CTNNA1: variants seen among roughly 807,000 people sequenced by gnomAD.
CTNNA1 encodes catenin alpha-1.
CTNNA1 carries 37 observed loss-of-function variants against 98.4 expected under a neutral mutation model. That is an observed-to-expected ratio of 0.38 (90% CI 0.29 to 0.49). CTNNA1 has a LOEUF of 0.49. Ranked by LOEUF, CTNNA1 falls within the 20% of genes least tolerant of loss-of-function variation. The probability of loss-of-function intolerance (pLI) is 0.95; values close to 1 mark genes in which losing one functional copy is unlikely to be tolerated. For synonymous variants in CTNNA1, 404 were observed against 413.2 expected (o/e 0.98, Z 0.27); for missense variants, 761 against 1,147.2 (o/e 0.66, Z 4.86).
At position 138,924,689 on chromosome 5, in the gene CTNNA1, A is replaced by G. The variant is rs1580855958; in HGVS notation, c.1726A>G (p.Thr576Ala). The G allele has an allele frequency of 1.9e-6, 3 of 1,584,284 alleles. No individual in the cohort carries two copies. The highest frequency in any genetic ancestry group is 2.6e-6 in the Non-Finnish European group (3 of 1,164,710). ...GVYTEKVLEA[T>A]KLLSNTVMPR... is the part of the protein sequence containing the mutation. ...CTACACAGAGAAGGTTCTGGAAGCCACTAAGCTGCTCTCCAACACAGGTAC... is the reference window on the plus strand; with the variant it reads ...CTACACAGAGAAGGTTCTGGAAGCCGCTAAGCTGCTCTCCAACACAGGTAC... The change falls in exon 12 of 18, where the codon ACT becomes GCT. Residue 576 changes from threonine to alanine, a missense_variant. Physicochemically the swap from Thr to Ala is moderately conservative, Grantham distance 58. Around this residue, in one of 6 missense-constraint regions of CTNNA1, gnomAD observed 287 missense variants for 436.0 expected, o/e 0.66. Transcript: ENST00000302763.
chr5:138,928,724 A>G (rs977884713), intron 13 of CTNNA1, among the ~76,000 whole-genome samples: 6 of 152,342 alleles, frequency 3.9e-5, no homozygotes, highest in Non-Finnish European at 5.9e-5. Context: ...ACCTGAGGTC[A>G]GGAGTTCAAG....
intron 3 of CTNNA1, among the ~76,000 whole-genome samples, chr5:138,799,892 G>GTATGTA (rs1457322147): frequency 1.5e-4 from 21 of 139,026 alleles, no homozygotes; most frequent in Non-Finnish European, 1.8e-4. Context: ...ATGTATGTAT[G>GTATGTA]TGTGTGTGTA....
intron 7 of CTNNA1, among the ~76,000 whole-genome samples, chr5:138,885,722 T>C (rs1328911357): frequency 2.0e-5 from 3 of 152,208 alleles, no homozygotes; most frequent in Non-Finnish European, 4.4e-5. Context: ...CATTATTAGC[T>C]CTGACCTATC....
At position 138,809,291 on chromosome 5, in the gene CTNNA1, C is replaced by T. The variant is rs112538585; in HGVS notation, c.302-747C>T. 3.9e-3 allele frequency among the ~76,000 whole-genome samples: 594 copies of T among 152,176 alleles called. 2 individuals carry two copies. The highest frequency in any genetic ancestry group is 0.014 in the African/African-American group (563 of 41,534). ...TCATTATAGAAACTTTTTATAAGTA[C>T]GAAATGTAAAGAGGCCGTGTGTAAC... is the stretch of plus-strand genomic sequence containing the variant. On this transcript the variant is annotated intron_variant, in intron 3 of 17. Coordinates refer to ENST00000302763, the MANE Select transcript of CTNNA1 (RefSeq NM_001903.5).
intron 3 of CTNNA1, among the ~76,000 whole-genome samples, chr5:138,787,523 G>A (rs1468096270): frequency 6.6e-6 from 1 of 152,228 alleles, no homozygotes; most frequent in Non-Finnish European, 1.5e-5. Flanking sequence ...GGGGATGGCT[G>A]TGTTCTAATA....
intron 10 of CTNNA1, among the ~76,000 whole-genome samples, chr5:138,916,503 C>T (rs779061003): frequency 2.0e-5 from 3 of 150,932 alleles, no homozygotes; most frequent in Non-Finnish European, 2.9e-5. Context: ...GCTGGGATTA[C>T]GAGCTCGAGC....
chr5:138,808,504 T>G (rs1010975125), intron 3 of CTNNA1, among the ~76,000 whole-genome samples: 2 of 152,030 alleles, frequency 1.3e-5, no homozygotes, highest in African/African-American at 4.8e-5. Flanking sequence ...ATTGGAAGTT[T>G]TTTTCTGGCC....
intron 3 of CTNNA1, among the ~76,000 whole-genome samples, chr5:138,801,045 T>C (rs1359363328): frequency 6.6e-6 from 1 of 152,242 alleles, no homozygotes; most frequent in African/African-American, 2.4e-5. Flanking sequence ...TGATCACTTT[T>C]CACTGTCATG....
In CTNNA1 at chr5:138,934,050, G is replaced by T; in HGVS notation, c.2682G>T (p.Val894=). 2 of 1,613,772 alleles carry T rather than the reference G, an allele frequency of 1.2e-6. No homozygotes were observed. Among genetic ancestry groups the T allele is most frequent in the Non-Finnish European group, 1.7e-6 (2 of 1,180,016 alleles). The stretch of plus-strand genomic sequence containing the variant: ...CTCAGAAGAAGCACGTGAACCCGGT[G>T]CAGGCCCTCAGCGAGTTCAAAGCTA... ...RASQKKHVNP[V]QALSEFKAMD... The change falls in exon 18 of 18, where the codon GTG becomes GTT. Residue 894 remains valine (V), a synonymous_variant. Transcript: ENST00000302763.
intron 10 of CTNNA1, among the ~76,000 whole-genome samples, chr5:138,908,959 G>C (rs1247992980): frequency 2.0e-5 from 3 of 152,086 alleles, no homozygotes; most frequent in Admixed American, 6.6e-5. Flanking sequence ...TTGTATCCCA[G>C]GCATTATGTT....
rs1360405005 is a variant in CTNNA1, at chr5:138,753,494, C to G, written c.-19C>G. 1.1e-5 allele frequency: 4 copies of G among 379,396 alleles called. No individual in the cohort carries two copies. Among genetic ancestry groups the G allele is most frequent in the Admixed American group, 9.1e-5 (2 of 21,974 alleles). The allele number at this position is 379,396 out of a possible 1,614,324, so 23.5% of individuals were successfully genotyped here. ...CTTCGGGCCTCTGGAATTTAGCGCT[C>G]GCCCAGCTAGCCGCAGGTAACTTCG... On this transcript the variant is annotated 5_prime_UTR_variant, in exon 1 of 18. Transcript: ENST00000302763.
At chr5:138,853,647 A>C (rs1448756414) in intron 7 of CTNNA1, among the ~76,000 whole-genome samples, 1 of 152,208 alleles carries the variant, frequency 6.6e-6, no homozygotes, top group Non-Finnish European at 1.5e-5. Flanking sequence ...ATCAGGGTTA[A>C]ATCACAGAAG....
At chr5:138,896,641 C>A (rs1388450365) in intron 9 of CTNNA1, among the ~76,000 whole-genome samples, 3 of 152,106 alleles carry the variant, frequency 2.0e-5, no homozygotes, top group Non-Finnish European at 4.4e-5. Context: ...ATGGCTCTTC[C>A]CTTTACCATT....
intron 10 of CTNNA1, among the ~76,000 whole-genome samples, chr5:138,915,140 C>T (rs982916046): frequency 6.6e-6 from 1 of 152,106 alleles, no homozygotes; most frequent in Non-Finnish European, 1.5e-5. Context: ...GAGGGACACT[C>T]TGTCTCTAAA....
intron 1 of CTNNA1, among the ~76,000 whole-genome samples, chr5:138,759,627 G>A (rs1274534312): frequency 6.6e-6 from 1 of 152,134 alleles, no homozygotes; most frequent in African/African-American, 2.4e-5. Context: ...ATTATAAGCA[G>A]CAATCAGCAA....
intron 7 of CTNNA1, chr5:138,871,251 C>T (rs939927474): frequency 6.6e-5 from 10 of 152,078 alleles, no homozygotes; most frequent in African/African-American, 2.4e-4. Context: ...GTGGCTTTCT[C>T]TAAGGTTTTA....
chr5:138,781,895 C>G (rs1561520150), intron 1 of CTNNA1, 28 bp from the exon 2 acceptor site: 2 of 1,559,856 alleles, frequency 1.3e-6, no homozygotes, highest in East Asian at 2.3e-5. Flanking sequence ...TTGATGTTTG[C>G]CTGACTGACT....
At chr5:138,916,321 A>G (rs1761752678) in intron 10 of CTNNA1, among the ~76,000 whole-genome samples, 1 of 152,032 alleles carries the variant, frequency 6.6e-6, no homozygotes. Flanking sequence ...ACTTTAAAAA[A>G]CCAATGACAT....
chr5:138,882,411 A>G (rs989695799), intron 7 of CTNNA1, among the ~76,000 whole-genome samples: 4 of 152,242 alleles, frequency 2.6e-5, no homozygotes, highest in African/African-American at 7.2e-5. Context: ...AGGAATGACC[A>G]GGTTCCATAG....
Sources: allele counts gnomAD v4.1 joint callset (sites outside exome capture counted in the v4.1 genomes callset), GRCh38; gene constraint gnomAD v4.1.1; regional missense constraint gnomAD v4.1.1; transcripts MANE v1.5; gene names NCBI Gene and HGNC (gene_info 2026-07-23, HGNC 2026-07-21).